POLA1: variants seen among roughly 807,000 people sequenced by gnomAD.
The protein encoded by POLA1 is DNA polymerase alpha 1, catalytic subunit, also known as DNA polymerase alpha catalytic subunit.
Under a neutral mutation model 124.0 loss-of-function variants are expected in POLA1, and 15 were observed. The observed-to-expected ratio is 0.12, with a 90% CI of 0.08 to 0.19. The LOEUF (loss-of-function observed/expected upper bound fraction) is 0.19. Ranked by LOEUF, POLA1 falls within the 10% of genes least tolerant of loss-of-function variation. The probability of loss-of-function intolerance (pLI) is 1.00; values close to 1 mark genes in which losing one functional copy is unlikely to be tolerated. For missense variants in POLA1, 886 were observed against 1,103.4 expected, an observed-to-expected ratio of 0.80 and a Z score of 2.79; for synonymous variants, 408 against 389.4, an observed-to-expected ratio of 1.05 and a Z score of -0.56.
chrX:24,818,356 T>C (rs2046028054), intron 30 of POLA1, among the ~76,000 whole-genome samples: 1 of 111,899 alleles, frequency 8.9e-6, no homozygotes, highest in Admixed American at 9.5e-5. Context: ...TCTTAAGTAC[T>C]GTTATATCAG....
At chrX:24,976,453 T>C (rs1490885392) in intron 36 of POLA1, among the ~76,000 whole-genome samples, 1 of 112,391 alleles carries the variant, frequency 8.9e-6, no homozygotes, top group Non-Finnish European at 1.9e-5. Context: ...ACATTTTGGA[T>C]AAAAATTTCC....
intron 11 of POLA1, among the ~76,000 whole-genome samples, chrX:24,724,058 C>T (rs1245922160): frequency 8.9e-6 from 1 of 112,336 alleles, no homozygotes; most frequent in Non-Finnish European, 1.9e-5. Flanking sequence ...TGTGGAGTCT[C>T]TTGGTCAGGA....
intron 36 of POLA1, among the ~76,000 whole-genome samples, chrX:24,932,339 A>G (rs2047795254): frequency 8.9e-6 from 1 of 112,537 alleles, no homozygotes; most frequent in African/African-American, 3.2e-5. Context: ...GCAGTTTTCA[A>G]AAGGTCTGGC....
chrX:24,752,429 G>T (rs916473045), intron 26 of POLA1, among the ~76,000 whole-genome samples: 2 of 112,286 alleles, frequency 1.8e-5, no homozygotes, highest in Admixed American at 9.4e-5. Flanking sequence ...AGAGTACTCT[G>T]TGGATCTATA....
At chrX:24,859,803 A>T (rs1289075480) in intron 34 of POLA1, among the ~76,000 whole-genome samples, 2 of 112,510 alleles carry the variant, frequency 1.8e-5, no homozygotes, top group African/African-American at 6.5e-5. Flanking sequence ...TGTAGTATTT[A>T]TGTTTGATGG....
chrX:24,718,321 A>C (rs979412616), intron 10 of POLA1, among the ~76,000 whole-genome samples: 2 of 111,407 alleles, frequency 1.8e-5, no homozygotes, highest in African/African-American at 6.5e-5. Flanking sequence ...GATGTAAAGA[A>C]AATTAGTTGG....
intron 35 of POLA1, among the ~76,000 whole-genome samples, chrX:24,927,131 C>A (rs2047704562): frequency 9.0e-6 from 1 of 110,596 alleles, no homozygotes; most frequent in African/African-American, 3.3e-5. Flanking sequence ...AGCCACCACA[C>A]CCAGCTATCA....
intron 34 of POLA1, among the ~76,000 whole-genome samples, chrX:24,854,137 C>A (rs750273035): frequency 5.9e-4 from 66 of 111,321 alleles, no homozygotes; most frequent in African/African-American, 2.1e-3. Context: ...CCTCTGCCTC[C>A]TGGGTTCAAG....
intron 22 of POLA1, 21 bp downstream of exon 22, chrX:24,742,142 T>A: frequency 8.5e-7 from 1 of 1,181,532 alleles, no homozygotes; most frequent in Non-Finnish European, 1.1e-6. Flanking sequence ...AACTGTGTAG[T>A]ATTTTGTTTT....
chrX:24,985,052 A>G (rs2048466906), intron 36 of POLA1, among the ~76,000 whole-genome samples: 1 of 111,894 alleles, frequency 8.9e-6, no homozygotes, highest in African/African-American at 3.3e-5. Context: ...AAGAGCATGA[A>G]TTAAATTTGT....
intron 34 of POLA1, among the ~76,000 whole-genome samples, chrX:24,879,713 C>T (rs1569347928): frequency 8.9e-6 from 1 of 111,929 alleles, no homozygotes; most frequent in Non-Finnish European, 1.9e-5. Context: ...GAGTATTTTA[C>T]AGAATAGACT....
intron 26 of POLA1, among the ~76,000 whole-genome samples, chrX:24,754,350 C>T (rs894655115): frequency 6.4e-5 from 7 of 109,214 alleles, no homozygotes; most frequent in Non-Finnish European, 7.6e-5. Flanking sequence ...CTCCACCTCC[C>T]GGGTTCAAGC....
At chrX:24,719,518 C>T (rs984509118) in intron 10 of POLA1, among the ~76,000 whole-genome samples, 16 of 111,845 alleles carry the variant, frequency 1.4e-4, no homozygotes, top group Non-Finnish European at 2.8e-4. Context: ...AGTATGATTA[C>T]ATGAGGCTAA....
intron 26 of POLA1, among the ~76,000 whole-genome samples, chrX:24,789,373 C>T (rs1258395015): frequency 2.7e-5 from 3 of 109,946 alleles, no homozygotes; most frequent in Non-Finnish European, 3.8e-5. Context: ...ATAAACTATC[C>T]GAAAAAAGAT....
chrX:24,899,578 C>T (rs925594206), intron 35 of POLA1, among the ~76,000 whole-genome samples: 3 of 111,695 alleles, frequency 2.7e-5, no homozygotes, highest in Non-Finnish European at 5.6e-5. Context: ...AGATGTCACT[C>T]CCAAACAAAG....
chrX:24,973,311 G>A (rs1435777442), intron 36 of POLA1, among the ~76,000 whole-genome samples: 2 of 110,853 alleles, frequency 1.8e-5, no homozygotes, highest in Non-Finnish European at 3.8e-5. Context: ...TTTGCAGTGA[G>A]CTGAGATAGC....
chrX:24,790,746 T>A (rs1199439421), intron 26 of POLA1, among the ~76,000 whole-genome samples: 1 of 109,982 alleles, frequency 9.1e-6, no homozygotes, highest in Non-Finnish European at 1.9e-5. Flanking sequence ...CTGAATGAAA[T>A]TTTTGAAGTT....
At chrX:24,764,618 G>A (rs1932858209) in intron 26 of POLA1, among the ~76,000 whole-genome samples, 1 of 112,230 alleles carries the variant, frequency 8.9e-6, no homozygotes, top group Admixed American at 9.4e-5. Context: ...GGCCAGGCAT[G>A]TTTTTTCATG....
At position 24,982,069 on chromosome X, in the gene POLA1, C is replaced by CT. The variant is rs201718904; in HGVS notation, c.4262-13726dup. ...GAGTGGGTTCCCCCTTCTCAGGTCC[C>CT]TTTTTTTTTTCCCTCAAGGCATTTA... On this transcript the variant is annotated intron_variant, in intron 36 of 36. Transcript: ENST00000379068. Among the ~76,000 whole-genome samples, 154 of 105,016 alleles carry CT rather than the reference C, an allele frequency of 1.5e-3. 2 individuals are homozygous for CT. The highest frequency in any genetic ancestry group is 4.7e-3 in the African/African-American group (136 of 28,979). The allele number at this position is 105,016 out of a possible 115,157, so 91.2% of individuals were successfully genotyped here.
Sources: allele counts gnomAD v4.1 joint callset (sites outside exome capture counted in the v4.1 genomes callset), GRCh38; gene constraint gnomAD v4.1.1; transcripts MANE v1.5; gene names NCBI Gene and HGNC (gene_info 2026-07-23, HGNC 2026-07-21).